DAB2IP: variants seen among roughly 807,000 people sequenced by gnomAD.
DAB2IP encodes the protein DAB2 interacting protein.
A neutral mutation model predicts 107.2 loss-of-function variants in DAB2IP; 28 were observed. The ratio of observed to expected loss-of-function variants is 0.26; its 90% CI spans 0.19 to 0.36. The LOEUF (loss-of-function observed/expected upper bound fraction) is 0.36. DAB2IP is among the 10% of genes least tolerant of loss of function. The pLI is 1.00. For synonymous variants in DAB2IP, 755 were observed against 706.4 expected, an observed-to-expected ratio of 1.07 and a Z score of -1.09; for missense variants, 1,400 against 1,644.7, an observed-to-expected ratio of 0.85 and a Z score of 2.57.
At chr9:121,712,908 G>C (rs139122101) in intron 3 of DAB2IP, among the ~76,000 whole-genome samples, 1 of 152,222 alleles carries the variant, frequency 6.6e-6, no homozygotes, top group Non-Finnish European at 1.5e-5. Context: ...CTGGGAGGGC[G>C]TACAGGATGC....
At chr9:121,764,913 T>C (rs1834159037) in intron 8 of DAB2IP, among the ~76,000 whole-genome samples, 1 of 152,194 alleles carries the variant, frequency 6.6e-6, no homozygotes, top group Non-Finnish European at 1.5e-5. Flanking sequence ...TGGGGCACCC[T>C]GGGGGCAGGT....
chr9:121,576,625 A>G (rs1253983820), intron 1 of DAB2IP, among the ~76,000 whole-genome samples: 1 of 152,180 alleles, frequency 6.6e-6, no homozygotes, highest in African/African-American at 2.4e-5. Context: ...TTGGTGAGCC[A>G]CAGTGAAAAC....
At chr9:121,735,449 A>G (rs141740714) in intron 3 of DAB2IP, among the ~76,000 whole-genome samples, 2 of 152,326 alleles carry the variant, frequency 1.3e-5, no homozygotes, top group East Asian at 3.9e-4. Context: ...TCTGCAGCTT[A>G]GTAGGAGCTC....
intron 8 of DAB2IP, among the ~76,000 whole-genome samples, chr9:121,765,175 C>G (rs995821634): frequency 6.6e-6 from 1 of 152,208 alleles, no homozygotes; most frequent in Non-Finnish European, 1.5e-5. Flanking sequence ...GAACACACTT[C>G]CCATTCCCAG....
intron 1 of DAB2IP, among the ~76,000 whole-genome samples, chr9:121,637,268 G>C (rs572481308): frequency 1.3e-5 from 2 of 152,322 alleles, no homozygotes; most frequent in Non-Finnish European, 2.9e-5. Flanking sequence ...CAAGCACTGG[G>C]TGCAGTGCCT....
chr9:121,773,819 C>G (rs561693977), intron 12 of DAB2IP, among the ~76,000 whole-genome samples: 4 of 152,206 alleles, frequency 2.6e-5, no homozygotes, highest in Non-Finnish European at 5.9e-5. Flanking sequence ...GCTCTGCCCC[C>G]ACACGCCCCT....
intron 1 of DAB2IP, among the ~76,000 whole-genome samples, chr9:121,610,476 A>AGGTC (rs1831054076): frequency 6.6e-6 from 1 of 152,130 alleles, no homozygotes; most frequent in South Asian, 2.1e-4. Context: ...GACTTGCCTA[A>AGGTC]GGTCACCCAG....
At chr9:121,676,356 C>T (rs763837535) in intron 1 of DAB2IP, among the ~76,000 whole-genome samples, 21 of 152,304 alleles carry the variant, frequency 1.4e-4, no homozygotes, top group Admixed American at 3.9e-4. Flanking sequence ...TGTGTGCGCA[C>T]GTCCCCTGCT....
chr9:121,615,933 T>C (rs1831259509), intron 1 of DAB2IP, among the ~76,000 whole-genome samples: 1 of 152,114 alleles, frequency 6.6e-6, no homozygotes, highest in African/African-American at 2.4e-5. Flanking sequence ...GCCTCAAAGA[T>C]CTTTTGGCCT....
intron 2 of DAB2IP, among the ~76,000 whole-genome samples, chr9:121,680,764 A>G (rs1300505804): frequency 7.3e-6 from 1 of 136,894 alleles, no homozygotes; most frequent in Non-Finnish European, 1.6e-5. Flanking sequence ...TTTTTTTGAG[A>G]CAGAATCTTG....
chr9:121,774,325 G>T, exon 13 of DAB2IP: 2 of 1,613,396 alleles, frequency 1.2e-6, no homozygotes, highest in Non-Finnish European at 8.5e-7. Flanking sequence ...CCATGAACGC[G>T]CAGTTGTTAG....
At chr9:121,723,739 C>T (rs1335978311) in intron 3 of DAB2IP, among the ~76,000 whole-genome samples, 1 of 152,176 alleles carries the variant, frequency 6.6e-6, no homozygotes, top group Non-Finnish European at 1.5e-5. Flanking sequence ...GATGAAGACA[C>T]AGAGCTGGTT....
intron 2 of DAB2IP, among the ~76,000 whole-genome samples, chr9:121,691,310 C>G (rs1829148543): frequency 6.6e-6 from 1 of 152,012 alleles, no homozygotes; most frequent in African/African-American, 2.4e-5. Context: ...GAGACCTGGC[C>G]TAGTGTGGGG....
At chr9:121,595,667 GTGT>G (rs1385938093) in intron 1 of DAB2IP, among the ~76,000 whole-genome samples, 3 of 151,910 alleles carry the variant, frequency 2.0e-5, no homozygotes, top group Admixed American at 6.6e-5. Flanking sequence ...ATGTGTGAAT[GTGT>G]GAAGCTCCTT....
chr9:121,691,546 T>C (rs1020701514), intron 2 of DAB2IP, among the ~76,000 whole-genome samples: 18 of 151,120 alleles, frequency 1.2e-4, no homozygotes, highest in Non-Finnish European at 2.2e-4. Context: ...ACTATGACCA[T>C]GAAAGTGATC....
In DAB2IP at chr9:121,651,637, T is replaced by G. The variant is rs971471818; in HGVS notation, c.-139T>G. The G allele has an allele frequency of 1.9e-6, 2 of 1,062,744 alleles. No homozygotes were observed. The highest frequency in any genetic ancestry group is 3.4e-5 in the African/African-American group (2 of 59,084). The allele number at this position is 1,062,744 out of a possible 1,614,324, so 65.8% of individuals were successfully genotyped here. On this transcript the variant is annotated 5_prime_UTR_variant, in exon 1 of 16. Coordinates refer to ENST00000408936, the Ensembl canonical transcript of DAB2IP. This position sits in a 1 kb window ranked among gnomAD's most constrained non-coding sequence, Gnocchi z 5.1. The stretch of plus-strand genomic sequence containing the variant: ...GAGGCGGAGGAGGAGTTTGAGCGAC[T>G]TTGTGGGGCAGCCAGGGCCTCGGCG...
intron 1 of DAB2IP, among the ~76,000 whole-genome samples, chr9:121,618,673 A>G (rs1323452955): frequency 6.6e-6 from 1 of 150,772 alleles, no homozygotes; most frequent in Non-Finnish European, 1.5e-5. Context: ...TTGTAGAAAC[A>G]TTTTTTTTTT....
intron 1 of DAB2IP, among the ~76,000 whole-genome samples, chr9:121,661,646 G>T (rs917787639): frequency 3.3e-5 from 5 of 151,976 alleles, no homozygotes; most frequent in Non-Finnish European, 7.4e-5. Flanking sequence ...CCACCAGTTT[G>T]GGCCAAACCC....
intron 1 of DAB2IP, among the ~76,000 whole-genome samples, chr9:121,567,752 T>G (rs113034196): frequency 6.6e-6 from 1 of 151,876 alleles, no homozygotes; most frequent in Admixed American, 6.5e-5. Context: ...GCATGCATTA[T>G]TGGGGGAAAA....
Sources: allele counts gnomAD v4.1 joint callset (sites outside exome capture counted in the v4.1 genomes callset), GRCh38; gene constraint gnomAD v4.1.1; non-coding constraint Gnocchi (gnomAD v3.1); transcripts MANE v1.5; gene names NCBI Gene and HGNC (gene_info 2026-07-23, HGNC 2026-07-21).